Variants in XPO5 observed in about 807,000 individuals in gnomAD.
XPO5 encodes the protein exportin 5.
XPO5 carries 46 observed loss-of-function variants against 160.6 expected under a neutral mutation model. The ratio of observed to expected loss-of-function variants is 0.29; its 90% CI spans 0.23 to 0.37. The LOEUF is 0.37. Ranked by LOEUF, XPO5 falls within the 10% of genes least tolerant of loss-of-function variation. XPO5 has a pLI of 1.00. For missense variants in XPO5, 1,090 were observed against 1,463.9 expected, an observed-to-expected ratio of 0.74 and a Z score of 4.17; for synonymous variants, 537 against 519.3, an observed-to-expected ratio of 1.03 and a Z score of -0.46.
At chr6:43,533,825 T>C (rs2127711216) in intron 21 of XPO5, 82 bp downstream of exon 21, 2 of 1,047,842 alleles carry the variant, frequency 1.9e-6, no homozygotes, top group East Asian at 3.1e-5. Flanking sequence ...ACAGAGACTA[T>C]GACTCTTAAA....
Position 43,576,015 on chromosome 6 carries a change from T to A in XPO5, c.-151A>T. ...GAGGAGCGTTAGCAGCAACTCGCGC[T>A]GGGAAGAAGCCGGCGCTGCGCACGC... On this transcript the variant is annotated 5_prime_UTR_variant, in exon 1 of 32. Transcript: ENST00000265351. The A allele has an allele frequency of 1.5e-6, 1 of 649,746 alleles. No homozygotes were observed. The highest frequency in any genetic ancestry group is 2.5e-6 in the Non-Finnish European group (1 of 396,042). 40.2% of individuals were successfully genotyped at this position (649,746 alleles called of 1,614,324 possible).
At chr6:43,533,823 T>G in intron 21 of XPO5, 84 bp downstream of exon 21, 1 of 1,029,500 alleles carries the variant, frequency 9.7e-7, no homozygotes, top group Non-Finnish European at 1.4e-6. Context: ...TGACAGAGAC[T>G]ATGACTCTTA....
Position 43,525,121 on chromosome 6 carries a change from G to T in XPO5, c.3160C>A (p.Pro1054Thr), listed in dbSNP as rs766477783. ...CQRTTSQLCW[P>T]LLKQVLSGTL... ...AATAACCATACTTGTTTGAGGAGAGGCCAGCAGAGCTGTGAGGTTGTCCTC... is the reference window on the plus strand; with the variant it reads ...AATAACCATACTTGTTTGAGGAGAGTCCAGCAGAGCTGTGAGGTTGTCCTC... The change falls in exon 29 of 32, where the codon CCT (proline) becomes ACT (threonine). Residue 1054 changes from proline (P) to threonine (T), a missense_variant. Pro to Thr is a conservative substitution (Grantham distance 38). Transcript: ENST00000265351. 1 of 1,575,992 alleles carries T rather than the reference G, an allele frequency of 6.3e-7. No individual in the cohort carries two copies. Among genetic ancestry groups the T allele is most frequent in the Non-Finnish European group, 8.6e-7 (1 of 1,160,062 alleles).
chr6:43,555,893 C>G lies in XPO5; in HGVS notation c.1384G>C (p.Ala462Pro). The G allele has an allele frequency of 3.1e-6, 5 of 1,614,008 alleles. No individual in the cohort carries two copies. The highest frequency in any genetic ancestry group is 4.2e-6 in the Non-Finnish European group (5 of 1,179,892). The stretch of plus-strand genomic sequence containing the variant: ...AGTTGATACTTTAGCCACTCCCCAG[C>G]CATCTGGAAGCTAGTTTTGGGATCC... ...RLDPKTSFQM[A>P]GEWLKYQLST... Residue 462 changes from alanine to proline, a missense_variant, in exon 13 of 32, where the codon GCT becomes CCT. Ala to Pro is a conservative substitution (Grantham distance 27). Coordinates refer to ENST00000265351, the MANE Select transcript of XPO5 (RefSeq NM_020750.3).
intron 30 of XPO5, 50 bp from the exon 31 acceptor site, chr6:43,524,685 C>T: frequency 6.3e-7 from 1 of 1,596,434 alleles, no homozygotes; most frequent in Non-Finnish European, 8.5e-7. Flanking sequence ...GATATTGCCA[C>T]CCTCCCCATT....
chr6:43,562,496 T>C lies in XPO5; in HGVS notation c.912-150A>G, dbSNP rs997641766. 72 of 631,464 alleles carry C rather than the reference T, an allele frequency of 1.1e-4. 1 individual carries two copies. Among genetic ancestry groups the C allele is most frequent in the Non-Finnish European group, 1.6e-5 (6 of 371,170 alleles). 39.1% of individuals were successfully genotyped at this position (631,464 alleles called of 1,614,324 possible). ...TTGCTAAATTAAAAATTTTTTAAAA[T>C]CTTTTTAACTTATTTGGTGGCAAAA... On this transcript the variant is annotated intron_variant, in intron 8 of 31. Coordinates refer to ENST00000265351, the MANE Select transcript of XPO5 (RefSeq NM_020750.3).
chr6:43,527,856 G>A, intron 25 of XPO5, 125 bp from the exon 26 acceptor site: 1 of 972,940 alleles, frequency 1.0e-6, no homozygotes, highest in Non-Finnish European at 1.5e-6. Context: ...TTATGCAAAA[G>A]TTGGGAATGG....
Position 43,555,892 on chromosome 6 carries a change from G to C in XPO5, c.1385C>G (p.Ala462Gly), listed in dbSNP as rs751406720. ...TAGTTGATACTTTAGCCACTCCCCA[G>C]CCATCTGGAAGCTAGTTTTGGGATC... is the stretch of plus-strand genomic sequence containing the variant. ...RLDPKTSFQM[A>G]GEWLKYQLST... is the part of the protein sequence containing the mutation. Residue 462 changes from alanine to glycine, a missense_variant, in exon 13 of 32, where the codon GCT becomes GGT. Coordinates refer to ENST00000265351, the MANE Select transcript of XPO5 (RefSeq NM_020750.3). 1.2e-5 allele frequency: 19 copies of C among 1,613,828 alleles called. No homozygotes were observed. In the Admixed American group the frequency reaches 3.2e-4, roughly 27 times the overall value.
chr6:43,541,868 C>T (rs1794713085), intron 20 of XPO5, among the ~76,000 whole-genome samples: 1 of 152,224 alleles, frequency 6.6e-6, no homozygotes, highest in Non-Finnish European at 1.5e-5. Context: ...ACCTCCATCT[C>T]CTGGGTTCGA....
chr6:43,564,689 A>T (rs772833633), intron 8 of XPO5, among the ~76,000 whole-genome samples: 2 of 151,968 alleles, frequency 1.3e-5, no homozygotes, highest in Non-Finnish European at 2.9e-5. Context: ...GATTGCCTGG[A>T]CTTCCCAGCT....
In XPO5 at chr6:43,547,712, A is replaced by G; in HGVS notation, c.2061-5T>C. On this transcript the variant is annotated splice_polypyrimidine_tract_variant and splice_region_variant and intron_variant, in intron 18 of 31. Coordinates refer to ENST00000265351, the MANE Select transcript of XPO5 (RefSeq NM_020750.3). ...GCATCAACATCTGACAGCACTCTGA[A>G]GGTTGGAGGGGGAAAAACAAGTTAC... is the stretch of plus-strand genomic sequence containing the variant. The G allele has an allele frequency of 6.2e-7, 1 of 1,613,682 alleles. No homozygotes were observed. The highest frequency in any genetic ancestry group is 8.5e-7 in the Non-Finnish European group (1 of 1,179,632).
At position 43,523,982 on chromosome 6, in the gene XPO5, T is replaced by G; in HGVS notation, c.3501A>C (p.Arg1167=). 1 of 1,613,618 alleles carries G rather than the reference T, an allele frequency of 6.2e-7. No individual in the cohort carries two copies. The highest frequency in any genetic ancestry group is 2.2e-5 in the East Asian group (1 of 44,884). ...CIGKPLGEQF[R]KEVHIKNLPS... ...GAAGATTCTTAATGTGAACTTCTTT[T>G]CGGAACTGCTCTCCCAAGGGTTTCT... Residue 1167 remains arginine, a synonymous_variant, in exon 32 of 32, where the codon CGA becomes CGC. Transcript: ENST00000265351.
At chr6:43,569,373 C>T (rs1762872948) in intron 5 of XPO5, among the ~76,000 whole-genome samples, 1 of 150,624 alleles carries the variant, frequency 6.6e-6, no homozygotes, top group Non-Finnish European at 1.5e-5. Flanking sequence ...AGTGAATATA[C>T]AAATATGGTT....
At chr6:43,542,078 C>T (rs964890903) in intron 20 of XPO5, among the ~76,000 whole-genome samples, 1 of 152,112 alleles carries the variant, frequency 6.6e-6, no homozygotes, top group Non-Finnish European at 1.5e-5. Flanking sequence ...CCACCGCACC[C>T]GGCCGATTTT....
chr6:43,524,450 T>A (rs768229840), intron 31 of XPO5, 21 bp downstream of exon 31: 8 of 1,610,472 alleles, frequency 5.0e-6, no homozygotes, highest in Non-Finnish European at 6.8e-6. Context: ...TTGGGAGCAC[T>A]ATTGAAGGTG....
chr6:43,527,269 T>C (rs983154111), intron 26 of XPO5: 23 of 214,518 alleles, frequency 1.1e-4, no homozygotes, highest in Admixed American at 1.1e-3. Flanking sequence ...TCAGTGTTGC[T>C]ACAAACATGA....
intron 17 of XPO5, among the ~76,000 whole-genome samples, chr6:43,548,693 A>T (rs1488134169): frequency 6.6e-6 from 1 of 151,756 alleles, no homozygotes; most frequent in Non-Finnish European, 1.5e-5. Context: ...TTCCCATACT[A>T]CAACTGTGAA....
chr6:43,544,397 A>C (rs1198458969), intron 20 of XPO5: 7 of 152,378 alleles, frequency 4.6e-5, no homozygotes, highest in Admixed American at 4.6e-4. Context: ...GGTGACTAGA[A>C]ATTGAAAAGA....
chr6:43,543,452 C>A (rs1794802806), intron 20 of XPO5, among the ~76,000 whole-genome samples: 1 of 151,374 alleles, frequency 6.6e-6, no homozygotes, highest in Non-Finnish European at 1.5e-5. Context: ...GATCGTGCCT[C>A]AAAAGTAAGT....
Sources: allele counts gnomAD v4.1 joint callset (sites outside exome capture counted in the v4.1 genomes callset), GRCh38; gene constraint gnomAD v4.1.1; transcripts MANE v1.5; gene names NCBI Gene and HGNC (gene_info 2026-07-23, HGNC 2026-07-21).